The following SORL1 variants were observed in gnomAD, a reference collection of about 807,000 sequenced individuals.
SORL1 encodes sortilin-related receptor.
Under a neutral mutation model 273.7 loss-of-function variants are expected in SORL1, and 127 were observed. The observed-to-expected ratio is 0.46, with a 90% CI of 0.40 to 0.54. The LOEUF is 0.54. Among genes scored for constraint, SORL1 ranks in the 20% least tolerant of loss-of-function variants. The pLI is 0.00. For missense variants in SORL1, 2,494 were observed against 2,846.1 expected (o/e 0.88, Z 2.81); for synonymous variants, 1,031 against 1,067.4 (o/e 0.97, Z 0.66).
chr11:121,472,001 C>T (rs1255913148), intron 2 of SORL1, among the ~76,000 whole-genome samples: 3 of 152,118 alleles, frequency 2.0e-5, no homozygotes, highest in Admixed American at 6.5e-5. Flanking sequence ...CTTTGGTGGC[C>T]GGGTGTGGTG....
chr11:121,544,092 C>T (rs1004612410), intron 13 of SORL1, among the ~76,000 whole-genome samples: 16 of 151,972 alleles, frequency 1.1e-4, no homozygotes, highest in Non-Finnish European at 2.1e-4. Context: ...GTGTGCCAAG[C>T]GACACAGGGT....
intron 46 of SORL1, among the ~76,000 whole-genome samples, chr11:121,625,652 G>GGATTTTACATGTAAAATCATATAACT (rs1282610924): frequency 2.0e-4 from 31 of 152,148 alleles, no homozygotes; most frequent in South Asian, 4.1e-4. Flanking sequence ...TCCTTGTCAT[G>GGATTTTACATGTAAAATCATATAACT]GATTTTACAT....
chr11:121,629,606 T>C lies in SORL1; in HGVS notation c.*43T>C, dbSNP rs779888938. 7 of 976,448 alleles carry C rather than the reference T, an allele frequency of 7.2e-6. No homozygotes were observed. The highest frequency in any genetic ancestry group is 2.4e-5 in the East Asian group (1 of 42,004). 60.5% of individuals were successfully genotyped at this position (976,448 alleles called of 1,614,324 possible). The stretch of plus-strand genomic sequence containing the variant: ...GAAACCAAATGGTGTAAATATTTTA[T>C]TTGATAAAGATAGTTGATGGTTTAT... On this transcript the variant is annotated 3_prime_UTR_variant, in exon 48 of 48. Transcript: ENST00000260197.
rs1863816842 is a variant in SORL1, at chr11:121,627,684, T to C, written c.6494T>C (p.Leu2165Pro). Residue 2165 changes from leucine to proline, a missense_variant, in exon 47 of 48, where the codon CTG becomes CCG. Physicochemically the swap from Leu to Pro is moderately conservative, Grantham distance 98. This residue lies in a region of SORL1 where 1,609 missense variants were observed against 1,816.4 expected (regional missense o/e 0.89). Transcript: ENST00000260197. The surrounding 1 kb of genome is among the most constrained non-coding windows in gnomAD (Gnocchi z 4.9). ...FAILYTKHRRLQSSFTAFANS... is the reference protein window; with the variant it reads ...FAILYTKHRRPQSSFTAFANS... ...ATCCTGTACACGAAGCACCGGAGGC[T>C]GCAGAGCAGCTTCACCGCCTTCGCC... The C allele has an allele frequency of 6.2e-7, 1 of 1,614,218 alleles. No individual in the cohort carries two copies. The highest frequency in any genetic ancestry group is 8.5e-7 in the Non-Finnish European group (1 of 1,180,042).
chr11:121,605,476 A>G lies in SORL1; in HGVS notation c.4853A>G (p.Lys1618Arg). Residue 1618 changes from lysine to arginine, a missense_variant, in exon 35 of 48, where the codon AAA becomes AGA. This residue lies in a region of SORL1 where 1,609 missense variants were observed against 1,816.4 expected (regional missense o/e 0.89). Transcript: ENST00000260197. ...NKTNTVLKVL[K>R]PDTTYQVKVQ... ...ACAAACACTGTATTAAAAGTCTTGA[A>G]ACCAGATACCACGTATCAGGTTAAA... 1.2e-6 allele frequency: 2 copies of G among 1,614,156 alleles called. No homozygotes were observed. Among genetic ancestry groups the G allele is most frequent in the Non-Finnish European group, 1.7e-6 (2 of 1,180,028 alleles).
At chr11:121,576,661 C>A in intron 24 of SORL1, 1 of 991,250 alleles carries the variant, frequency 1.0e-6, no homozygotes, top group Non-Finnish European at 1.4e-6. Flanking sequence ...GCCAGGGCAG[C>A]CTCCTTCCCC....
intron 1 of SORL1, among the ~76,000 whole-genome samples, chr11:121,463,904 C>G (rs1024810035): frequency 6.6e-6 from 1 of 152,136 alleles, no homozygotes; most frequent in Non-Finnish European, 1.5e-5. Context: ...GCATTTAAGC[C>G]ATGCAAAGGG....
At chr11:121,520,572 A>T in intron 8 of SORL1, 85 bp from the exon 9 acceptor site, 1 of 926,156 alleles carries the variant, frequency 1.1e-6, no homozygotes, top group Non-Finnish European at 1.6e-6. Flanking sequence ...AAAATTGTAT[A>T]CTTTTAAATG....
intron 1 of SORL1, among the ~76,000 whole-genome samples, chr11:121,459,878 T>TAA: frequency 6.6e-6 from 1 of 152,334 alleles, no homozygotes; most frequent in South Asian, 2.1e-4. Context: ...TCTTTGCATA[T>TAA]AAACCTCCCC....
intron 41 of SORL1, among the ~76,000 whole-genome samples, chr11:121,616,279 C>T (rs1033935223): frequency 1.3e-5 from 2 of 152,168 alleles, no homozygotes; most frequent in Non-Finnish European, 2.9e-5. Flanking sequence ...TCAGCTCATG[C>T]ACTGGTCACA....
chr11:121,453,899 C>G (rs1389407195), intron 1 of SORL1, among the ~76,000 whole-genome samples: 1 of 152,218 alleles, frequency 6.6e-6, no homozygotes, highest in Non-Finnish European at 1.5e-5. Context: ...TGAAATACCT[C>G]CTTTCTAAAA....
chr11:121,465,213 C>T (rs1446498928), intron 1 of SORL1, among the ~76,000 whole-genome samples: 1 of 152,228 alleles, frequency 6.6e-6, no homozygotes, highest in Non-Finnish European at 1.5e-5. Flanking sequence ...GCTTTCTCTC[C>T]CTATGGATTT....
chr11:121,453,712 A>G (rs1860853028), intron 1 of SORL1, among the ~76,000 whole-genome samples: 1 of 152,204 alleles, frequency 6.6e-6, no homozygotes, highest in Admixed American at 6.5e-5. Context: ...TCCAGGACGA[A>G]CCTTGTAAAC....
intron 2 of SORL1, among the ~76,000 whole-genome samples, chr11:121,477,325 T>C (rs1861287271): frequency 6.6e-6 from 1 of 152,196 alleles, no homozygotes; most frequent in Non-Finnish European, 1.5e-5. Context: ...CTCTTTTGTA[T>C]GGAATGCTGT....
Position 121,559,624 on chromosome 11 carries a change from G to A in SORL1, c.3016G>A (p.Asp1006Asn). 6.2e-7 allele frequency: 1 copy of A among 1,614,130 alleles called. No homozygotes were observed. The highest frequency in any genetic ancestry group is 1.1e-5 in the South Asian group (1 of 91,082). ...GGCAAACCAGCTCACGGGGCTCATG[G>A]ACATGAAGATTTTCTACAAGGGGAA... ...ILANQLTGLM[D>N]MKIFYKGKNT... The change falls in exon 21 of 48, where the codon GAC becomes AAC. Residue 1006 changes from aspartate (D) to asparagine (N), a missense_variant. Transcript: ENST00000260197.
At chr11:121,514,020 G>A (rs1861915914) in intron 7 of SORL1, 132 bp from the exon 8 acceptor site, 1 of 978,636 alleles carries the variant, frequency 1.0e-6, no homozygotes, top group Non-Finnish European at 1.5e-6. Context: ...CCAAGGTTAG[G>A]GAGCTTCCCG....
At chr11:121,512,619 C>G (rs1039725332) in intron 6 of SORL1, among the ~76,000 whole-genome samples, 3 of 152,188 alleles carry the variant, frequency 2.0e-5, no homozygotes, top group African/African-American at 7.2e-5. Context: ...TGATCTCACC[C>G]TTTAGTGGTT....
intron 32 of SORL1, 115 bp from the exon 33 acceptor site, chr11:121,604,078 G>A (rs1410449283): frequency 1.6e-6 from 2 of 1,278,252 alleles, no homozygotes; most frequent in Non-Finnish European, 2.2e-6. Context: ...TTCCAGAGGT[G>A]TGTTTTGAAG....
At chr11:121,474,992 C>A (rs1405005735) in intron 2 of SORL1, among the ~76,000 whole-genome samples, 1 of 152,232 alleles carries the variant, frequency 6.6e-6, no homozygotes. Context: ...TGCGGAGGCT[C>A]ATGCTTGTAA....
Sources: gnomAD v4.1 joint callset for allele counts (sites outside exome capture counted in the v4.1 genomes callset) on GRCh38, gnomAD v4.1.1 for gene constraint, gnomAD v4.1.1 regional missense constraint, Gnocchi (gnomAD v3.1) non-coding constraint, MANE v1.5 for transcripts, NCBI Gene and HGNC (gene_info 2026-07-23, HGNC 2026-07-21) for gene names.